The following CCDC83 variants were observed in gnomAD, a reference collection of about 807,000 sequenced individuals.
The protein encoded by CCDC83 is coiled-coil domain containing 83.
CCDC83 carries 54 observed loss-of-function variants against 50.1 expected under a neutral mutation model. The ratio of observed to expected loss-of-function variants is 1.08; its 90% CI spans 0.87 to 1.35. The LOEUF (loss-of-function observed/expected upper bound fraction) is 1.35. Among genes scored for constraint, CCDC83 ranks in the 40% most tolerant of loss-of-function variants. The pLI is 0.00. For missense variants in CCDC83, 518 were observed against 473.9 expected, an observed-to-expected ratio of 1.09 and a Z score of -0.86; for synonymous variants, 161 against 153.3, an observed-to-expected ratio of 1.05 and a Z score of -0.37.
At chr11:85,859,262 G>T (rs1177067127) in intron 1 of CCDC83, among the ~76,000 whole-genome samples, 1 of 149,498 alleles carries the variant, frequency 6.7e-6, no homozygotes, top group Non-Finnish European at 1.5e-5. Context: ...AGTCAGAGAT[G>T]AACACAAACA....
intron 3 of CCDC83, among the ~76,000 whole-genome samples, chr11:85,877,024 C>T (rs747838551): frequency 1.3e-5 from 2 of 152,040 alleles, no homozygotes; most frequent in African/African-American, 2.4e-5. Flanking sequence ...AACTAAATTT[C>T]GTTTCTGTAT....
intron 1 of CCDC83, among the ~76,000 whole-genome samples, chr11:85,862,763 T>C (rs149971951): frequency 2.0e-5 from 3 of 152,336 alleles, no homozygotes; most frequent in African/African-American, 7.2e-5. Flanking sequence ...AAAGTCCCCA[T>C]GATTTATAGC....
chr11:85,858,892 A>G (rs1402229019), intron 1 of CCDC83, among the ~76,000 whole-genome samples: 1 of 152,140 alleles, frequency 6.6e-6, no homozygotes, highest in Admixed American at 6.5e-5. Flanking sequence ...CTTCCACCTC[A>G]TAACAATGAG....
chr11:85,917,226 G>C (rs2093485643), intron 10 of CCDC83, among the ~76,000 whole-genome samples: 1 of 143,980 alleles, frequency 6.9e-6, no homozygotes, highest in Non-Finnish European at 1.5e-5. Context: ...AAGAAAGAAA[G>C]AAAGAAAAGA....
intron 5 of CCDC83, among the ~76,000 whole-genome samples, chr11:85,888,303 G>A (rs1442962441): frequency 6.6e-6 from 1 of 152,156 alleles, no homozygotes; most frequent in African/African-American, 2.4e-5. Flanking sequence ...AGCAACAGGG[G>A]GTGGTATCCA....
chr11:85,919,695 C>T lies in CCDC83; in HGVS notation c.*185C>T. 7.2e-6 allele frequency: 4 copies of T among 554,556 alleles called. No individual in the cohort carries two copies. The highest frequency in any genetic ancestry group is 1.3e-5 in the Non-Finnish European group (4 of 317,880). 34.4% of individuals were successfully genotyped at this position (554,556 alleles called of 1,614,324 possible). A position where few individuals can be genotyped will look rare whatever the true frequency, so the allele number is the denominator to read the frequency against. Reference sequence around the variant, plus strand: ...TCATTTACTTGCATGGTATGAGTGACCAAAACGGAAGCACGCTTTGTATTT... The same window carrying T: ...TCATTTACTTGCATGGTATGAGTGATCAAAACGGAAGCACGCTTTGTATTT... On this transcript the variant is annotated 3_prime_UTR_variant, in exon 11 of 11. Coordinates refer to ENST00000342404, the MANE Select transcript of CCDC83 (RefSeq NM_001286159.2).
chr11:85,906,273 G>A (rs1258039939), intron 7 of CCDC83, among the ~76,000 whole-genome samples: 2 of 151,880 alleles, frequency 1.3e-5, no homozygotes, highest in Non-Finnish European at 2.9e-5. Context: ...CATCATGTTG[G>A]TCAGGCTAGT....
At chr11:85,881,059 G>A (rs1332449033) in intron 3 of CCDC83, among the ~76,000 whole-genome samples, 3 of 152,112 alleles carry the variant, frequency 2.0e-5, no homozygotes, top group Non-Finnish European at 4.4e-5. Context: ...GTGGCATCAT[G>A]TTAGTACTCA....
At chr11:85,919,313 A>G in intron 10 of CCDC83, 36 bp from the exon 11 acceptor site, 2 of 1,547,926 alleles carry the variant, frequency 1.3e-6, no homozygotes, top group Middle Eastern at 1.7e-4. Flanking sequence ...TTGCTGAATC[A>G]CCTCTCCTAT....
chr11:85,919,409 C>A lies in CCDC83; in HGVS notation c.1141C>A (p.Pro381Thr). 1 of 1,612,934 alleles carries A rather than the reference C, an allele frequency of 6.2e-7. No individual in the cohort carries two copies. Among genetic ancestry groups the A allele is most frequent in the East Asian group, 2.2e-5 (1 of 44,860 alleles). The stretch of plus-strand genomic sequence containing the variant: ...TATGAGTGTGGAGAGCAAGAAAATG[C>A]CCATTCATTTTCAAGAGAAGGAAAT... ...KLMSVESKKM[P>T]IHFQEKEIPV... The change falls in exon 11 of 11, where the codon CCC becomes ACC. Residue 381 changes from proline to threonine, a missense_variant. Physicochemically the swap from Pro to Thr is conservative, Grantham distance 38 (BLOSUM62 -1). Coordinates refer to ENST00000342404, the MANE Select transcript of CCDC83 (RefSeq NM_001286159.2).
intron 4 of CCDC83, among the ~76,000 whole-genome samples, chr11:85,885,212 T>C (rs1275784252): frequency 6.7e-6 from 1 of 150,310 alleles, no homozygotes; most frequent in African/African-American, 2.4e-5. Context: ...AAACTCCATC[T>C]CAAAAAAAAA....
chr11:85,908,554 G>A (rs1407578206), intron 7 of CCDC83, among the ~76,000 whole-genome samples: 1 of 38,666 alleles, frequency 2.6e-5, no homozygotes, highest in Non-Finnish European at 5.8e-5. Context: ...TAGATGATTA[G>A]ATAGATAGAT....
At chr11:85,881,282 A>G (rs2093298431) in intron 3 of CCDC83, among the ~76,000 whole-genome samples, 1 of 151,940 alleles carries the variant, frequency 6.6e-6, no homozygotes. Flanking sequence ...CTGAGGCAGG[A>G]GAATCGCTTG....
chr11:85,919,339 T>C lies in CCDC83; in HGVS notation c.1081-10T>C, dbSNP rs559525236. ...CCTCTCCTATTCTTTTTTGTGCCTG[T>C]TCACCATAGGATTATGTAAACTTGG... On this transcript the variant is annotated splice_polypyrimidine_tract_variant and intron_variant, in intron 10 of 10. Transcript: ENST00000342404. 6.3e-7 allele frequency: 1 copy of C among 1,577,444 alleles called. No homozygotes were observed. Among genetic ancestry groups the C allele is most frequent in the East Asian group, 2.3e-5 (1 of 44,352 alleles).
At chr11:85,909,609 C>CTTTTTTTTTTTTTTTTTTTTTTTTTTTTT (rs71468972) in intron 7 of CCDC83, among the ~76,000 whole-genome samples, 2 of 57,706 alleles carry the variant, frequency 3.5e-5, no homozygotes, top group Non-Finnish European at 3.2e-5. Context: ...TCAAAATACA[C>CTTTTTTTTTTTTTTTTTTTTTTTTTTTTT]TTTTTTTTTT....
At chr11:85,858,790 G>C (rs1297125515) in intron 1 of CCDC83, among the ~76,000 whole-genome samples, 3 of 152,112 alleles carry the variant, frequency 2.0e-5, no homozygotes, top group Non-Finnish European at 4.4e-5. Context: ...TGGTACCTCA[G>C]CCCATGACAG....
chr11:85,867,311 C>T (rs1158114079), intron 2 of CCDC83, among the ~76,000 whole-genome samples: 2 of 152,148 alleles, frequency 1.3e-5, no homozygotes, highest in African/African-American at 4.8e-5. Context: ...GGATTTCAGG[C>T]ATGAGCCACC....
At position 85,917,213 on chromosome 11, in the gene CCDC83, A is replaced by AGAAAGAGAAAGAAAGAAAGAAG. The variant is rs1554986941; in HGVS notation, c.1080+986_1080+987insGAAAGAAAGAAAGAAGGAAAGA. Among the ~76,000 whole-genome samples the AGAAAGAGAAAGAAAGAAAGAAG allele has an allele frequency of 5.6e-3, 639 of 114,202 alleles. 10 individuals carry two copies. The highest frequency in any genetic ancestry group is 0.01 in the Admixed American group (110 of 10,790). 74.9% of individuals were successfully genotyped at this position (114,202 alleles called of 152,430 possible). On this transcript the variant is annotated intron_variant, in intron 10 of 10. Coordinates refer to ENST00000342404, the MANE Select transcript of CCDC83 (RefSeq NM_001286159.2). Reference sequence around the variant, plus strand: ...GAAAGAGAAAGAAAGAAAGAAGGAAAGAAAGAAAGAAAGAAAGAAAAGAAA... The same window carrying AGAAAGAGAAAGAAAGAAAGAAG: ...GAAAGAGAAAGAAAGAAAGAAGGAAAGAAAGAGAAAGAAAGAAAGAAGGAAAGAAAGAAAGAAAGAAAAGAAA...
intron 5 of CCDC83, among the ~76,000 whole-genome samples, chr11:85,894,048 A>G (rs2093361823): frequency 6.6e-6 from 1 of 152,296 alleles, no homozygotes; most frequent in East Asian, 1.9e-4. Context: ...ATTTCATTAT[A>G]TATTACAATG....
Sources: gnomAD v4.1 joint callset for allele counts (sites outside exome capture counted in the v4.1 genomes callset) on GRCh38, gnomAD v4.1.1 for gene constraint, MANE v1.5 for transcripts, NCBI Gene and HGNC (gene_info 2026-07-23, HGNC 2026-07-21) for gene names.